DTNB: variants seen among roughly 807,000 people sequenced by gnomAD.
The protein encoded by DTNB is DTN-B.
In DTNB, 63 loss-of-function variants were observed where a neutral mutation model predicts 90.7. That is an observed-to-expected ratio of 0.69 (90% CI 0.57 to 0.86). The LOEUF is 0.86. Ranked by LOEUF, DTNB falls within the 40% of genes least tolerant of loss-of-function variation. The pLI is 0.00. For synonymous variants in DTNB, 277 were observed against 286.7 expected (o/e 0.97, Z 0.34); for missense variants, 744 against 807.1 (o/e 0.92, Z 0.95).
At chr2:25,545,945 G>C (rs181802364) in intron 8 of DTNB, among the ~76,000 whole-genome samples, 1 of 152,128 alleles carries the variant, frequency 6.6e-6, no homozygotes, top group African/African-American at 2.4e-5. Context: ...TTTAACTTGC[G>C]AACCCTGAAA....
chr2:25,652,546 A>AAAAACCAC, intron 2 of DTNB, 48 bp downstream of exon 2: 1 of 1,555,976 alleles, frequency 6.4e-7, no homozygotes, highest in East Asian at 2.3e-5. Flanking sequence ...AAAAAAAAAA[A>AAAAACCAC]AACCACACAA....
chr2:25,380,414 G>T (rs2037316864), intron 19 of DTNB, among the ~76,000 whole-genome samples: 1 of 152,066 alleles, frequency 6.6e-6, no homozygotes, highest in Non-Finnish European at 1.5e-5. Flanking sequence ...GTAGTTTCAG[G>T]GACATATCCT....
chr2:25,501,095 G>C (rs1027796303), intron 9 of DTNB, among the ~76,000 whole-genome samples: 9 of 151,956 alleles, frequency 5.9e-5, no homozygotes, highest in Non-Finnish European at 2.9e-5. Flanking sequence ...ACCAATTAGA[G>C]GCTTTAAAAA....
intron 6 of DTNB, among the ~76,000 whole-genome samples, chr2:25,589,319 T>C (rs2063053308): frequency 6.6e-6 from 1 of 151,648 alleles, no homozygotes; most frequent in Non-Finnish European, 1.5e-5. Context: ...ATCTGCTCAC[T>C]TCTCCCTTTC....
At chr2:25,421,821 A>G (rs1322734466) in intron 15 of DTNB, among the ~76,000 whole-genome samples, 1 of 152,244 alleles carries the variant, frequency 6.6e-6, no homozygotes, top group East Asian at 1.9e-4. Context: ...TCATACTTGG[A>G]CATCTGGTGA....
At chr2:25,633,313 G>A (rs1242030418) in intron 3 of DTNB, among the ~76,000 whole-genome samples, 1 of 152,178 alleles carries the variant, frequency 6.6e-6, no homozygotes, top group Non-Finnish European at 1.5e-5. Context: ...GCAGGCGCGC[G>A]CCGCCACGCC....
chr2:25,629,675 T>C (rs142037412), intron 3 of DTNB, among the ~76,000 whole-genome samples: 269 of 152,220 alleles, frequency 1.8e-3, no homozygotes, highest in Admixed American at 3.9e-3. Context: ...ATCAACTCAA[T>C]AGACATAGAA....
intron 4 of DTNB, among the ~76,000 whole-genome samples, chr2:25,616,931 C>CAAAAAAA (rs70947896): frequency 1.4e-5 from 1 of 70,558 alleles, no homozygotes; most frequent in Non-Finnish European, 2.5e-5. Context: ...GACCCCGTCT[C>CAAAAAAA]AAAAAAAAAA....
At chr2:25,511,033 C>T (rs114383296) in intron 9 of DTNB, among the ~76,000 whole-genome samples, 3,277 of 152,194 alleles carry the variant, frequency 0.022, 105 homozygotes, top group African/African-American at 0.073. Context: ...CATGCTTCTA[C>T]GCTGATTTTC....
At chr2:25,385,051 T>C (rs1023229382) in intron 18 of DTNB, among the ~76,000 whole-genome samples, 10 of 151,968 alleles carry the variant, frequency 6.6e-5, no homozygotes, top group Admixed American at 6.6e-4. Context: ...GCTAATTTTG[T>C]ATTTTTAGTA....
chr2:25,417,452 A>C (rs967520987), intron 16 of DTNB, among the ~76,000 whole-genome samples: 2 of 152,218 alleles, frequency 1.3e-5, no homozygotes, highest in Admixed American at 6.5e-5. Flanking sequence ...TAATCCATAA[A>C]AATTTTAAAA....
At chr2:25,604,399 T>TTCTCTC (rs112805986) in intron 5 of DTNB, among the ~76,000 whole-genome samples, 1 of 149,160 alleles carries the variant, frequency 6.7e-6, no homozygotes, top group Admixed American at 6.7e-5. Flanking sequence ...TCTCCCTTCT[T>TTCTCTC]TCTCTCTCTC....
At chr2:25,470,799 A>G (rs1046128991) in intron 10 of DTNB, among the ~76,000 whole-genome samples, 3 of 152,316 alleles carry the variant, frequency 2.0e-5, no homozygotes. Flanking sequence ...TCTCAGATCC[A>G]TGGGGCAAGC....
chr2:25,523,841 C>T (rs904916814), intron 9 of DTNB, among the ~76,000 whole-genome samples: 2 of 151,534 alleles, frequency 1.3e-5, no homozygotes, highest in Non-Finnish European at 2.9e-5. Context: ...ATTCTTAGGC[C>T]ACTTCCAGAA....
intron 1 of DTNB, among the ~76,000 whole-genome samples, chr2:25,669,055 G>C (rs1360627294): frequency 6.6e-6 from 1 of 152,198 alleles, no homozygotes; most frequent in Non-Finnish European, 1.5e-5. Context: ...CCATTCATAT[G>C]AGGTACCTAG....
intron 8 of DTNB, among the ~76,000 whole-genome samples, chr2:25,537,536 G>A (rs2080107721): frequency 6.6e-6 from 1 of 151,958 alleles, no homozygotes; most frequent in Non-Finnish European, 1.5e-5. Flanking sequence ...TAAGGCCTAG[G>A]AGAAACCAAA....
At position 25,610,779 on chromosome 2, in the gene DTNB, G is replaced by C. The variant is rs144703828; in HGVS notation, c.363-3458C>G. Among the ~76,000 whole-genome samples, 26 of 151,272 alleles carry C rather than the reference G, an allele frequency of 1.7e-4. No individual in the cohort carries two copies. The East Asian group carries it at 5.1e-3, about 29-fold the overall frequency. On this transcript the variant is annotated intron_variant, in intron 4 of 20. Transcript: ENST00000406818. ...GGCTGGAGTGCAGTGGTGTGATCTT[G>C]GCTCACTGTAACTTCCACCTCTTGG...
intron 8 of DTNB, among the ~76,000 whole-genome samples, chr2:25,557,379 C>T (rs1031488789): frequency 1.3e-5 from 2 of 152,206 alleles, no homozygotes; most frequent in Non-Finnish European, 2.9e-5. Flanking sequence ...CCCATTGTAT[C>T]GCTACACCGG....
At chr2:25,421,630 G>A (rs2049740490) in intron 15 of DTNB, among the ~76,000 whole-genome samples, 1 of 152,224 alleles carries the variant, frequency 6.6e-6, no homozygotes, top group South Asian at 2.1e-4. Flanking sequence ...AAGTGCGATG[G>A]TTGGGGAGGG....
Sources: allele counts gnomAD v4.1 joint callset (sites outside exome capture counted in the v4.1 genomes callset), GRCh38; gene constraint gnomAD v4.1.1; transcripts MANE v1.5; gene names NCBI Gene and HGNC (gene_info 2026-07-23, HGNC 2026-07-21).